Variants in TOX3 observed in about 807,000 individuals in gnomAD.
The protein encoded by TOX3 is TOX high mobility group box family member 3.
TOX3 carries 22 observed loss-of-function variants against 64.3 expected under a neutral mutation model. The ratio of observed to expected loss-of-function variants is 0.34; its 90% confidence interval spans 0.24 to 0.49. TOX3 has a LOEUF of 0.49. Among genes scored for constraint, TOX3 ranks in the 20% least tolerant of loss-of-function variants. TOX3 has a pLI of 0.99. For synonymous variants in TOX3, 291 were observed against 273.6 expected, an observed-to-expected ratio of 1.06 and a Z score of -0.63; for missense variants, 661 against 714.4, an observed-to-expected ratio of 0.93 and a Z score of 0.85.
At chr16:52,547,597 GC>G (rs1356927501), upstream of TOX3, 2 of 152,380 alleles carry the variant, frequency 1.3e-5, no homozygotes, top group South Asian at 2.1e-4. Flanking sequence ...CTGTCCCCGG[GC>G]CCCTCTCCTC....
intron 1 of TOX3, among the ~76,000 whole-genome samples, chr16:52,515,856 A>T (rs973623935): frequency 6.6e-6 from 1 of 152,218 alleles, no homozygotes; most frequent in Non-Finnish European, 1.5e-5. Context: ...TCAACATCCA[A>T]AAAGTGTACA....
rs1350778382 is a variant in TOX3 at position 52,439,847 on chromosome 16, G to A, written c.1109C>T (p.Ala370Val). The part of the protein sequence containing the change: ...TPLSQHGTVS[A>V]SPQTLQQSLP... ...GGATTGCTGGAGAGTCTGAGGTGAT[G>A]CTGACACTGTTCCATGTTGAGACAG... Residue 370 changes from alanine to valine, a missense_variant, in exon 7 of 7, where the codon GCA (alanine) becomes GTA (valine). By Grantham distance (64) the Ala-to-Val change is moderately conservative. This residue lies in a region of TOX3 where 299 missense variants were observed against 292.1 expected (regional missense o/e 1.02). Coordinates refer to ENST00000219746, the MANE Select transcript of TOX3 (RefSeq NM_001080430.4). 1.2e-6 allele frequency: 2 copies of A among 1,613,890 alleles called. No homozygotes were observed. The highest frequency in any genetic ancestry group is 1.7e-6 in the Non-Finnish European group (2 of 1,179,856).
chr16:52,535,337 T>C (rs1962925062), intron 1 of TOX3, among the ~76,000 whole-genome samples: 1 of 152,180 alleles, frequency 6.6e-6, no homozygotes, highest in Non-Finnish European at 1.5e-5. Flanking sequence ...GGCCATGTGA[T>C]GAAGGCTAGC....
In TOX3 at chr16:52,468,545, C is replaced by A; in HGVS notation, c.117G>T (p.Met39Ile). The part of the protein sequence containing the change: ...KFGNNNNYMN[M>I]AEANNAFFAA... The stretch of plus-strand genomic sequence containing the variant: ...CGAAGAACGCATTGTTCGCCTCAGC[C>A]ATATTCATATAGTTATTATTATTTC... Residue 39 changes from methionine to isoleucine, a missense_variant, in exon 2 of 7, where the codon ATG becomes ATT. Physicochemically the swap from Met to Ile is conservative, Grantham distance 10. Around this residue, in one of 3 missense-constraint regions of TOX3, gnomAD observed 259 missense variants for 261.2 expected, o/e 0.99. Transcript: ENST00000219746. 1.9e-6 allele frequency: 3 copies of A among 1,612,852 alleles called. No homozygotes were observed. Among genetic ancestry groups the A allele is most frequent in the Non-Finnish European group, 2.5e-6 (3 of 1,179,224 alleles).
chr16:52,450,840 G>A, intron 3 of TOX3, among the ~76,000 whole-genome samples: 1 of 141,626 alleles, frequency 7.1e-6, no homozygotes, highest in African/African-American at 2.8e-5. Flanking sequence ...AAGGAAGGAA[G>A]GAAGGAAGGA....
intron 4 of TOX3, among the ~76,000 whole-genome samples, chr16:52,449,314 G>A (rs952241803): frequency 1.3e-5 from 2 of 151,836 alleles, no homozygotes; most frequent in Admixed American, 6.6e-5. Context: ...CCCCCATATC[G>A]AACTTCACTA....
intron 1 of TOX3, among the ~76,000 whole-genome samples, chr16:52,500,495 T>G (rs919159093): frequency 2.6e-5 from 4 of 152,208 alleles, no homozygotes; most frequent in African/African-American, 9.6e-5. Flanking sequence ...TTTCCCAAGC[T>G]GGGTACCACA....
At chr16:52,488,520 C>T (rs1042305521) in intron 1 of TOX3, among the ~76,000 whole-genome samples, 3 of 152,150 alleles carry the variant, frequency 2.0e-5, no homozygotes, top group African/African-American at 4.8e-5. Context: ...AGAAAAGACA[C>T]AAGAAGTGTT....
rs532730769 is a variant in TOX3 at position 52,461,815 on chromosome 16, G to A, written c.408+2119C>T. 3.3e-5 allele frequency among the ~76,000 whole-genome samples: 5 copies of A among 152,184 alleles called. No individual in the cohort carries two copies. In the South Asian group the frequency reaches 1.0e-3, roughly 32 times the overall value. The stretch of plus-strand genomic sequence containing the variant: ...TGAGGAGGCTTCTGTGGAGTGTTAT[G>A]ATGTAGCCAGCCAACTCAGTACCCG... On this transcript the variant is annotated intron_variant, in intron 3 of 6. Transcript: ENST00000219746.
intron 1 of TOX3, among the ~76,000 whole-genome samples, chr16:52,483,693 C>T (rs140949904): frequency 0.011 from 1,616 of 151,460 alleles, 18 homozygotes; most frequent in Non-Finnish European, 0.014. Flanking sequence ...CTCAGCCTCC[C>T]GAGTAGCTTG....
intron 1 of TOX3, among the ~76,000 whole-genome samples, chr16:52,544,317 A>T (rs1963131183): frequency 6.6e-6 from 1 of 152,260 alleles, no homozygotes; most frequent in Admixed American, 6.5e-5. Flanking sequence ...TAAAGTTAAT[A>T]CTTCCTCTTC....
At chr16:52,495,122 C>A (rs113474187) in intron 1 of TOX3, among the ~76,000 whole-genome samples, 5,428 of 152,216 alleles carry the variant, frequency 0.036, 304 homozygotes, top group African/African-American at 0.12. Flanking sequence ...AATACTGGTG[C>A]TAAACTTGCA....
chr16:52,527,055 CT>C lies in TOX3; in HGVS notation c.87+19581del, dbSNP rs75533197. The stretch of plus-strand genomic sequence containing the variant: ...ATCACAGTTAGGAAAGACAAAACTG[CT>C]TCTTAAATCTCTGTGCACTCCATGC... On this transcript the variant is annotated intron_variant, in intron 1 of 6. Transcript: ENST00000219746. 0.015 allele frequency among the ~76,000 whole-genome samples: 2,272 copies of C among 152,246 alleles called. 81 individuals carry two copies. The East Asian group carries it at 0.16, about 10-fold the overall frequency.
chr16:52,500,334 GC>G (rs1325181686), intron 1 of TOX3, among the ~76,000 whole-genome samples: 6 of 152,124 alleles, frequency 3.9e-5, no homozygotes, highest in Admixed American at 3.9e-4. Context: ...CTTAGCCTAG[GC>G]CTTAACTCCT....
intron 1 of TOX3, among the ~76,000 whole-genome samples, chr16:52,504,857 T>C (rs759084726): frequency 6.6e-6 from 1 of 151,602 alleles, no homozygotes; most frequent in Non-Finnish European, 1.5e-5. Flanking sequence ...TTGTTTGAGA[T>C]AGAGTCTTGC....
chr16:52,479,996 C>G (rs979140652), intron 1 of TOX3, among the ~76,000 whole-genome samples: 1 of 152,198 alleles, frequency 6.6e-6, no homozygotes, highest in Non-Finnish European at 1.5e-5. Flanking sequence ...CCTTTAAGCT[C>G]CAAGGCAACC....
intron 6 of TOX3, among the ~76,000 whole-genome samples, chr16:52,441,376 G>C (rs1117705): frequency 6.6e-6 from 1 of 151,936 alleles, no homozygotes; most frequent in Non-Finnish European, 1.5e-5. Flanking sequence ...TTTATCAAAG[G>C]AGTCATAGAT....
Position 52,464,152 on chromosome 16 carries a change from A to G in TOX3, c.190T>C (p.Phe64Leu), listed in dbSNP as rs989915228. 4.1e-5 allele frequency: 65 copies of G among 1,577,192 alleles called. No homozygotes were observed. The highest frequency in any genetic ancestry group is 5.5e-5 in the Non-Finnish European group (64 of 1,160,824). ...GGAGGCGTGATTGGTGGAATTTCGA[A>G]TTCCTCGTCCCCAAGGCTTGGTGTG... ...FHTPSLGDEE[F>L]EIPPITPPPE... The change falls in exon 3 of 7, where the codon TTC becomes CTC. Residue 64 changes from phenylalanine to leucine, a missense_variant. By Grantham distance (22) the Phe-to-Leu change is conservative. Transcript: ENST00000219746.
Position 52,439,862 on chromosome 16 carries a change from T to C in TOX3, c.1094A>G (p.His365Arg), listed in dbSNP as rs762652597. 1.9e-6 allele frequency: 3 copies of C among 1,613,824 alleles called. No individual in the cohort carries two copies. The South Asian group carries it at 3.3e-5, about 18-fold the overall frequency. ...SLLLNTPLSQ[H>R]GTVSASPQTL... is the part of the protein sequence containing the mutation. ...CTGAGGTGATGCTGACACTGTTCCATGTTGAGACAGTGGAGTGTTGAGAAG... is the reference window on the plus strand; with the variant it reads ...CTGAGGTGATGCTGACACTGTTCCACGTTGAGACAGTGGAGTGTTGAGAAG... The change falls in exon 7 of 7, where the codon CAT becomes CGT. Residue 365 changes from histidine (H) to arginine (R), a missense_variant. Physicochemically the swap from His to Arg is conservative, Grantham distance 29. This residue lies in a region of TOX3 where 299 missense variants were observed against 292.1 expected (regional missense o/e 1.02). Coordinates refer to ENST00000219746, the MANE Select transcript of TOX3 (RefSeq NM_001080430.4).
Sources: gnomAD v4.1 joint callset for allele counts (sites outside exome capture counted in the v4.1 genomes callset) on GRCh38, gnomAD v4.1.1 for gene constraint, gnomAD v4.1.1 regional missense constraint, MANE v1.5 for transcripts, NCBI Gene and HGNC (gene_info 2026-07-23, HGNC 2026-07-21) for gene names.